Variants in SLU7 observed in about 807,000 individuals in gnomAD.
The protein encoded by SLU7 is pre-mRNA-splicing factor SLU7.
SLU7 carries 60 observed loss-of-function variants against 87.0 expected under a neutral mutation model. The ratio of observed to expected loss-of-function variants is 0.69; its 90% CI spans 0.56 to 0.86. The LOEUF (loss-of-function observed/expected upper bound fraction) is 0.86, where lower values mean the gene tolerates loss of function less well. SLU7 is among the 40% of genes least tolerant of loss of function. The pLI is 0.00. For synonymous variants in SLU7, 197 were observed against 222.0 expected (o/e 0.89, Z 1.00); for missense variants, 507 against 686.6 (o/e 0.74, Z 2.92).
intron 6 of SLU7, among the ~76,000 whole-genome samples, chr5:160,411,974 T>C (rs889577455): frequency 1.3e-5 from 2 of 152,218 alleles, no homozygotes; most frequent in Non-Finnish European, 2.9e-5. Context: ...TATTATACTA[T>C]CTTTTCATGT....
At chr5:160,404,657 C>T (rs2961939) in intron 14 of SLU7, 101 bp from the exon 15 acceptor site, 320,714 of 914,596 alleles carry the variant, frequency 0.35, 60,856 homozygotes, top group African/African-American at 0.6. Flanking sequence ...ACCCAGGAGG[C>T]GGAAGTTGCA....
intron 6 of SLU7, among the ~76,000 whole-genome samples, chr5:160,411,520 G>A (rs1765241309): frequency 6.6e-6 from 1 of 152,190 alleles, no homozygotes; most frequent in Non-Finnish European, 1.5e-5. Context: ...TGCTCGGCCA[G>A]AGATGGATTT....
chr5:160,405,884 A>G (rs1236108897), intron 12 of SLU7, among the ~76,000 whole-genome samples: 1 of 152,222 alleles, frequency 6.6e-6, no homozygotes, highest in African/African-American at 2.4e-5. Context: ...TAGAAAAGAG[A>G]CATAATAACC....
At chr5:160,418,988 C>T (rs1303369662) in intron 1 of SLU7, 35 bp downstream of exon 1, 2 of 152,346 alleles carry the variant, frequency 1.3e-5, no homozygotes, top group Admixed American at 6.5e-5. Flanking sequence ...TCCCCAACTC[C>T]CCGTCGCCCG....
At chr5:160,410,943 TGCAA>T (rs995744261) in intron 6 of SLU7, among the ~76,000 whole-genome samples, 2 of 151,752 alleles carry the variant, frequency 1.3e-5, no homozygotes, top group African/African-American at 4.8e-5. Flanking sequence ...CTTGGCTCAC[TGCAA>T]GCTCTGCCTC....
At position 160,403,282 on chromosome 5, in the gene SLU7, T is replaced by C. The variant is rs1241394530; in HGVS notation, c.*3A>G. On this transcript the variant is annotated 3_prime_UTR_variant, in exon 16 of 16. Transcript: ENST00000297151. ...CTATCTTGGATGGTCTTCTGACTAG[T>C]TGCTACTGTCCAAGGAAAGAGGCCA... 6.3e-7 allele frequency: 1 copy of C among 1,589,048 alleles called. No homozygotes were observed. Among genetic ancestry groups the C allele is most frequent in the Non-Finnish European group, 8.6e-7 (1 of 1,168,502 alleles).
At chr5:160,405,223 C>T (rs753722408) in intron 12 of SLU7, 88 bp from the exon 13 acceptor site, 5 of 908,180 alleles carry the variant, frequency 5.5e-6, no homozygotes, top group Non-Finnish European at 8.8e-6. Context: ...AATAATACAG[C>T]CCATTAAAGG....
chr5:160,409,472 A>C (rs958591690), intron 6 of SLU7, among the ~76,000 whole-genome samples: 1 of 152,228 alleles, frequency 6.6e-6, no homozygotes, highest in Non-Finnish European at 1.5e-5. Context: ...GTGTATGTAT[A>C]TATACTATAT....
chr5:160,404,926 T>C, intron 13 of SLU7, 46 bp from the exon 14 acceptor site: 5 of 1,517,110 alleles, frequency 3.3e-6, no homozygotes, highest in Non-Finnish European at 4.6e-6. Flanking sequence ...TAGTTACTAA[T>C]CATCTAAGAA....
chr5:160,408,139 G>GAA, intron 8 of SLU7, 71 bp from the exon 9 acceptor site: 1 of 1,211,478 alleles, frequency 8.3e-7, no homozygotes, highest in East Asian at 2.3e-5. Context: ...CTAGTTGGAG[G>GAA]AGTTGAACAT....
rs530749056 is a variant in SLU7 at position 160,409,779 on chromosome 5, G to A, written c.640-1082C>T. Among the ~76,000 whole-genome samples the A allele has an allele frequency of 1.8e-3, 273 of 152,132 alleles. 3 individuals carry two copies. Among genetic ancestry groups the A allele is most frequent in the African/African-American group, 6.2e-3 (259 of 41,498 alleles). The stretch of plus-strand genomic sequence containing the variant: ...TCCAAGGGGCAGAAAAGTATGTATC[G>A]TTTCCTAACTTTTTTGATTAAAAAA... On this transcript the variant is annotated intron_variant, in intron 6 of 15. Coordinates refer to ENST00000297151, the MANE Select transcript of SLU7 (RefSeq NM_006425.5).
At chr5:160,406,167 G>T (rs1407048675) in intron 12 of SLU7, among the ~76,000 whole-genome samples, 1 of 152,124 alleles carries the variant, frequency 6.6e-6, no homozygotes, top group Non-Finnish European at 1.5e-5. Flanking sequence ...TAAACTATAT[G>T]TGTGTATATA....
At position 160,403,462 on chromosome 5, in the gene SLU7, T is replaced by A; in HGVS notation, c.1584A>T (p.Ala528=). 1 of 1,592,916 alleles carries A rather than the reference T, an allele frequency of 6.3e-7. No individual in the cohort carries two copies. The highest frequency in any genetic ancestry group is 8.5e-7 in the Non-Finnish European group (1 of 1,171,840). ...EEKKHEKLKK[A]LNAEEARLLH... ...GAAGGCGGGCCTCCTCTGCGTTCAG[T>A]GCCTATAGTGAGAGGAATAAAATGT... Residue 528 remains alanine (A), a splice_region_variant and synonymous_variant, in exon 16 of 16, where the codon GCA becomes GCT. Transcript: ENST00000297151.
chr5:160,415,898 T>TC (rs1323486368), intron 1 of SLU7, among the ~76,000 whole-genome samples: 68 of 152,272 alleles, frequency 4.5e-4, no homozygotes, highest in Middle Eastern at 3.4e-3. Flanking sequence ...TTTTTCTTTT[T>TC]CTTTTTTTTT....
intron 5 of SLU7, among the ~76,000 whole-genome samples, chr5:160,412,722 T>C (rs1476377917): frequency 6.6e-6 from 1 of 152,114 alleles, no homozygotes; most frequent in African/African-American, 2.4e-5. Flanking sequence ...GAGCAGGAGT[T>C]ACACAGTGTT....
chr5:160,414,020 CGTAA>C, intron 3 of SLU7, 41 bp from the exon 4 acceptor site: 1 of 1,224,530 alleles, frequency 8.2e-7, no homozygotes, highest in Non-Finnish European at 1.1e-6. Context: ...GTCTTAACCA[CGTAA>C]GTTAGAAATA....
At position 160,404,309 on chromosome 5, in the gene SLU7, G is replaced by C. The variant is rs541451548; in HGVS notation, c.1581+131C>G. On this transcript the variant is annotated intron_variant, in intron 15 of 15. Transcript: ENST00000297151. Reference sequence around the variant, plus strand: ...GAGCCTATGAGGTGGAGCTTGCAGTGAGCTGCGGTCGTGCCACTGCACTCC... The same window carrying C: ...GAGCCTATGAGGTGGAGCTTGCAGTCAGCTGCGGTCGTGCCACTGCACTCC... 9.7e-6 allele frequency: 6 copies of C among 619,026 alleles called. No individual in the cohort carries two copies. In the African/African-American group the frequency reaches 1.1e-4, roughly 12 times the overall value. 38.3% of individuals were successfully genotyped at this position (619,026 alleles called of 1,614,324 possible). A position where few individuals can be genotyped will look rare whatever the true frequency, so the allele number is the denominator to read the frequency against.
intron 5 of SLU7, 145 bp downstream of exon 5, chr5:160,413,311 A>G (rs1581071851): frequency 1.6e-6 from 1 of 624,642 alleles, no homozygotes; most frequent in East Asian, 2.8e-5. Context: ...TATTACAATT[A>G]TAAAGGTAGC....
chr5:160,413,674 A>G (rs1249745656), intron 4 of SLU7, 54 bp from the exon 5 acceptor site: 1 of 1,473,624 alleles, frequency 6.8e-7, no homozygotes, highest in Non-Finnish European at 9.3e-7. Flanking sequence ...CCCAAAGGAA[A>G]ACTTCATACA....
Sources: allele counts gnomAD v4.1 joint callset (sites outside exome capture counted in the v4.1 genomes callset), GRCh38; gene constraint gnomAD v4.1.1; transcripts MANE v1.5; gene names NCBI Gene and HGNC (gene_info 2026-07-23, HGNC 2026-07-21).